The following ADGRV1 variants were observed in gnomAD, a reference collection of about 807,000 sequenced individuals.
The protein encoded by ADGRV1 is G-protein coupled receptor 98.
A neutral mutation model predicts 596.2 loss-of-function variants in ADGRV1; 359 were observed. That is an observed-to-expected ratio of 0.60 (90% CI 0.55 to 0.66). The LOEUF (loss-of-function observed/expected upper bound fraction) is 0.66. ADGRV1 is among the 30% of genes least tolerant of loss of function. The pLI is 0.00. For synonymous variants in ADGRV1, 2,681 were observed against 2,679.2 expected (o/e 1.00, Z -0.02); for missense variants, 7,274 against 7,575.6 (o/e 0.96, Z 1.48).
intron 83 of ADGRV1, among the ~76,000 whole-genome samples, chr5:90,867,426 T>C (rs1276774960): frequency 6.6e-6 from 1 of 152,166 alleles, no homozygotes; most frequent in Non-Finnish European, 1.5e-5. Flanking sequence ...AGTTGGACTG[T>C]TACTGTCTTT....
Position 90,627,537 on chromosome 5 carries a change from T to G in ADGRV1, c.999T>G (p.Phe333Leu), listed in dbSNP as rs1764926005. The change falls in exon 7 of 90, where the codon TTT becomes TTG. Residue 333 changes from phenylalanine to leucine, a missense_variant. Transcript: ENST00000405460. ...TTCAGCCAAACACAACTGTTGTTTTTCCACCTTTTATTCATGAATCTCACT... is the reference window on the plus strand; with the variant it reads ...TTCAGCCAAACACAACTGTTGTTTTGCCACCTTTTATTCATGAATCTCACT... ...IDLQPNTTVV[F>L]PPFIHESHLK... The G allele has an allele frequency of 6.2e-7, 1 of 1,613,888 alleles. No individual in the cohort carries two copies. Among genetic ancestry groups the G allele is most frequent in the Non-Finnish European group, 8.5e-7 (1 of 1,179,792 alleles).
At chr5:90,854,915 C>G (rs1164811826) in intron 81 of ADGRV1, among the ~76,000 whole-genome samples, 2 of 152,156 alleles carry the variant, frequency 1.3e-5, no homozygotes, top group African/African-American at 4.8e-5. Flanking sequence ...TTTCTGCTTT[C>G]TTTCTCTTAA....
intron 78 of ADGRV1, among the ~76,000 whole-genome samples, chr5:90,843,241 C>A (rs1484873684): frequency 6.6e-6 from 1 of 152,052 alleles, no homozygotes; most frequent in Non-Finnish European, 1.5e-5. Flanking sequence ...AGGAGAGGGA[C>A]CTTGCCCTAG....
chr5:90,801,726 C>T (rs1445120018), intron 70 of ADGRV1, among the ~76,000 whole-genome samples: 1 of 152,098 alleles, frequency 6.6e-6, no homozygotes, highest in Admixed American at 6.5e-5. Flanking sequence ...TTGATTTTTA[C>T]ATTCAATCAA....
At chr5:90,910,277 A>T (rs1772741055) in intron 83 of ADGRV1, among the ~76,000 whole-genome samples, 1 of 152,256 alleles carries the variant, frequency 6.6e-6, no homozygotes, top group Non-Finnish European at 1.5e-5. Flanking sequence ...AGCAAAAATC[A>T]GTGGTATTTT....
intron 89 of ADGRV1, among the ~76,000 whole-genome samples, chr5:91,158,966 C>T (rs1391810873): frequency 6.6e-6 from 1 of 152,002 alleles, no homozygotes; most frequent in Admixed American, 6.6e-5. Flanking sequence ...ATCTCCTGTG[C>T]CCTTTTAATC....
At position 90,694,279 on chromosome 5, in the gene ADGRV1, G is replaced by A. The variant is rs1019937283; in HGVS notation, c.7523G>A (p.Arg2508Lys). 2 of 1,613,848 alleles carry A rather than the reference G, an allele frequency of 1.2e-6. No homozygotes were observed. Among genetic ancestry groups the A allele is most frequent in the Non-Finnish European group, 8.5e-7 (1 of 1,179,860 alleles). The stretch of plus-strand genomic sequence containing the variant: ...GGGAGTGACTATGAGCCTGTGACAA[G>A]GCAATGGGCCATAATGCAGGAAGGT... ...VAGSDYEPVT[R>K]QWAIMQEGDE... Residue 2508 changes from arginine to lysine, a missense_variant, in exon 33 of 90, where the codon AGG becomes AAG. Around this residue, in one of 5 missense-constraint regions of ADGRV1, gnomAD observed 3,643 missense variants for 3,809.2 expected, o/e 0.96. Coordinates refer to ENST00000405460, the MANE Select transcript of ADGRV1 (RefSeq NM_032119.4).
chr5:90,731,809 CTG>C (rs1202225641), intron 50 of ADGRV1, among the ~76,000 whole-genome samples: 1 of 152,210 alleles, frequency 6.6e-6, no homozygotes, highest in African/African-American at 2.4e-5. Context: ...GAGATTAAAA[CTG>C]AGAAATGTTA....
At chr5:90,815,866 A>G (rs1762842850) in intron 75 of ADGRV1, 130 bp downstream of exon 75, 1 of 614,584 alleles carries the variant, frequency 1.6e-6, no homozygotes, top group African/African-American at 1.8e-5. Context: ...ACGTCTTCAG[A>G]TGCTCTAGTT....
chr5:90,718,229 T>C (rs1337664898), intron 43 of ADGRV1: 1 of 152,248 alleles, frequency 6.6e-6, no homozygotes, highest in African/African-American at 2.4e-5. Flanking sequence ...TGTGAAATTA[T>C]ACAGTATTTA....
intron 67 of ADGRV1, among the ~76,000 whole-genome samples, chr5:90,785,478 A>G (rs1450484489): frequency 6.6e-6 from 1 of 152,234 alleles, no homozygotes; most frequent in Non-Finnish European, 1.5e-5. Context: ...AACCTACAGA[A>G]TGGGAGAAAA....
chr5:91,086,313 C>G (rs10454910), intron 86 of ADGRV1, among the ~76,000 whole-genome samples: 1 of 151,952 alleles, frequency 6.6e-6, no homozygotes, highest in African/African-American at 2.4e-5. Flanking sequence ...TCTCTCTGAT[C>G]GCTTGTCCTT....
chr5:91,113,985 AAGGC>A (rs1304366190), intron 87 of ADGRV1, among the ~76,000 whole-genome samples: 1 of 151,252 alleles, frequency 6.6e-6, no homozygotes, highest in African/African-American at 2.4e-5. Flanking sequence ...TTGGGAAGCC[AAGGC>A]AGGCAGATCA....
At chr5:90,639,656 A>G (rs1766717774) in intron 11 of ADGRV1, among the ~76,000 whole-genome samples, 1 of 152,164 alleles carries the variant, frequency 6.6e-6, no homozygotes, top group South Asian at 2.1e-4. Flanking sequence ...AATATATATT[A>G]AAATGTTTTA....
At chr5:91,019,106 G>C (rs1848485) in intron 85 of ADGRV1, among the ~76,000 whole-genome samples, 107,092 of 151,782 alleles carry the variant, frequency 0.71, 38,181 homozygotes, top group African/African-American at 0.82. Flanking sequence ...CAATATCCAC[G>C]CCTGAACTTA....
At chr5:91,014,496 A>T (rs190679762) in intron 85 of ADGRV1, among the ~76,000 whole-genome samples, 41 of 151,864 alleles carry the variant, frequency 2.7e-4, no homozygotes, top group East Asian at 9.7e-4. Context: ...CTGTAAATCC[A>T]TCAGGTCCTG....
chr5:90,823,636 A>G lies in ADGRV1; in HGVS notation c.16368+40A>G, dbSNP rs189214234. The G allele has an allele frequency of 6.4e-4, 978 of 1,525,504 alleles. 6 individuals carry two copies. Among genetic ancestry groups the G allele is most frequent in the Middle Eastern group, 2.8e-3 (14 of 4,954 alleles). 94.5% of individuals were successfully genotyped at this position (1,525,504 alleles called of 1,614,324 possible). ...GACACACTAGTGTCAACTTCTAATT[A>G]TATTTCTTTAGAATTAATCATTTTA... is the stretch of plus-strand genomic sequence containing the variant. On this transcript the variant is annotated intron_variant, in intron 76 of 89. Transcript: ENST00000405460.
chr5:90,605,086 A>C (rs934766575), intron 1 of ADGRV1, among the ~76,000 whole-genome samples: 2 of 152,182 alleles, frequency 1.3e-5, no homozygotes, highest in Admixed American at 1.3e-4. Context: ...AGCTCATGGA[A>C]AATGTCAAGC....
intron 73 of ADGRV1, among the ~76,000 whole-genome samples, chr5:90,809,793 T>C (rs766640980): frequency 4.6e-5 from 7 of 152,212 alleles, no homozygotes; most frequent in Non-Finnish European, 8.8e-5. Context: ...GAGAGGTTAG[T>C]TCCATTACTG....
Sources: allele counts gnomAD v4.1 joint callset (sites outside exome capture counted in the v4.1 genomes callset), GRCh38; gene constraint gnomAD v4.1.1; regional missense constraint gnomAD v4.1.1; transcripts MANE v1.5; gene names NCBI Gene and HGNC (gene_info 2026-07-23, HGNC 2026-07-21).